Variants in BICDL1 observed in about 807,000 individuals in gnomAD.
BICDL1 encodes the protein BICD family like cargo adaptor 1.
Under a neutral mutation model 76.8 loss-of-function variants are expected in BICDL1, and 20 were observed. The observed-to-expected ratio is 0.26, with a 90% CI of 0.18 to 0.38. BICDL1 has a LOEUF of 0.38. BICDL1 is among the 10% of genes least tolerant of loss of function. The probability of loss-of-function intolerance (pLI) is 1.00; values close to 1 mark genes in which losing one functional copy is unlikely to be tolerated. For synonymous variants in BICDL1, 383 were observed against 337.1 expected, an observed-to-expected ratio of 1.14 and a Z score of -1.49; for missense variants, 700 against 798.6, an observed-to-expected ratio of 0.88 and a Z score of 1.49.
intron 1 of BICDL1, among the ~76,000 whole-genome samples, chr12:119,996,651 T>C (rs1384971646): frequency 1.3e-5 from 2 of 150,726 alleles, no homozygotes; most frequent in Non-Finnish European, 2.9e-5. Flanking sequence ...CAGAATTTCC[T>C]GTAGAACCCA....
chr12:120,050,789 T>G (rs374063714), intron 2 of BICDL1, among the ~76,000 whole-genome samples: 18 of 151,004 alleles, frequency 1.2e-4, no homozygotes, highest in African/African-American at 4.4e-4. Context: ...TTAACAGTTG[T>G]GTGCCACGCA....
At chr12:120,003,762 C>T (rs1217912588) in intron 2 of BICDL1, among the ~76,000 whole-genome samples, 3 of 152,218 alleles carry the variant, frequency 2.0e-5, no homozygotes, top group African/African-American at 7.2e-5. Flanking sequence ...CACTGTGCTT[C>T]TCCATGGTCT....
chr12:120,060,393 G>A (rs1304312575), intron 2 of BICDL1, among the ~76,000 whole-genome samples: 2 of 152,160 alleles, frequency 1.3e-5, no homozygotes, highest in Non-Finnish European at 2.9e-5. Context: ...CTGATTCCTT[G>A]CATCATAAAG....
rs114582849 is a variant in BICDL1 at position 120,046,573 on chromosome 12, T to C, written c.646-15137T>C. On this transcript the variant is annotated intron_variant, in intron 2 of 9. Coordinates refer to ENST00000548673, the MANE Select transcript of BICDL1 (RefSeq NM_001367886.1). ...GACACAGAGAATTAAGCAGTTTGCC[T>C]GTGGTCACACAGTACAGTAACTGAT... 8.1e-3 allele frequency among the ~76,000 whole-genome samples: 1,230 copies of C among 152,358 alleles called. 17 individuals are homozygous for C. Among genetic ancestry groups the C allele is most frequent in the African/African-American group, 0.027 (1,125 of 41,576 alleles).
chr12:120,015,609 C>T (rs766658527), intron 2 of BICDL1, among the ~76,000 whole-genome samples: 1 of 152,188 alleles, frequency 6.6e-6, no homozygotes, highest in Non-Finnish European at 1.5e-5. Context: ...AGGGCACCTC[C>T]CCCACAGGGC....
chr12:120,065,023 C>A, intron 4 of BICDL1, 144 bp downstream of exon 4: 1 of 840,724 alleles, frequency 1.2e-6, no homozygotes, highest in Non-Finnish European at 1.8e-6. Flanking sequence ...GGGCCTGGGG[C>A]ATTCACTAAC....
chr12:120,006,031 T>C (rs1306116162), intron 2 of BICDL1, among the ~76,000 whole-genome samples: 1 of 152,218 alleles, frequency 6.6e-6, no homozygotes, highest in Non-Finnish European at 1.5e-5. Flanking sequence ...TCTCCTCATA[T>C]CTACCTTCAT....
At chr12:120,049,678 C>A (rs976313578) in intron 2 of BICDL1, among the ~76,000 whole-genome samples, 1 of 152,206 alleles carries the variant, frequency 6.6e-6, no homozygotes, top group Non-Finnish European at 1.5e-5. Flanking sequence ...AGTATTGCCT[C>A]GGTCCCATTC....
chr12:120,008,150 CTTTTTTTT>C (rs71072590), intron 2 of BICDL1, among the ~76,000 whole-genome samples: 673 of 61,746 alleles, frequency 0.011, 3 homozygotes, highest in South Asian at 0.064. Flanking sequence ...ATTACTCTTT[CTTTTTTTT>C]TTTTTTTTTT....
At chr12:120,084,884 C>CT (rs1468348769) in intron 8 of BICDL1, among the ~76,000 whole-genome samples, 4 of 149,452 alleles carry the variant, frequency 2.7e-5, no homozygotes, top group African/African-American at 9.9e-5. Context: ...AACGGGGACT[C>CT]TGTCTCAAAA....
At chr12:120,004,112 GC>G (rs1475431184) in intron 2 of BICDL1, among the ~76,000 whole-genome samples, 4 of 152,190 alleles carry the variant, frequency 2.6e-5, no homozygotes, top group Non-Finnish European at 5.9e-5. Flanking sequence ...TCACTGTGCA[GC>G]CCTGATGGCT....
intron 2 of BICDL1, among the ~76,000 whole-genome samples, chr12:120,061,371 A>G (rs1282463340): frequency 6.6e-6 from 1 of 152,174 alleles, no homozygotes; most frequent in Non-Finnish European, 1.5e-5. Context: ...CTTTTATGTA[A>G]AATATTCAGA....
intron 8 of BICDL1, among the ~76,000 whole-genome samples, chr12:120,083,733 C>G (rs1321873616): frequency 6.6e-6 from 1 of 151,918 alleles, no homozygotes; most frequent in Non-Finnish European, 1.5e-5. Flanking sequence ...GACCTCGTCT[C>G]ACTGCAACCC....
At chr12:120,069,815 C>A (rs1378720316) in intron 4 of BICDL1, among the ~76,000 whole-genome samples, 8 of 152,176 alleles carry the variant, frequency 5.3e-5, no homozygotes. Flanking sequence ...ACGATCAGCA[C>A]CCTAAAAAGA....
intron 2 of BICDL1, among the ~76,000 whole-genome samples, chr12:120,026,127 C>T (rs535107660): frequency 2.0e-5 from 3 of 152,238 alleles, no homozygotes; most frequent in Non-Finnish European, 4.4e-5. Context: ...CATGAACCAC[C>T]GTGCCCGACG....
intron 2 of BICDL1, among the ~76,000 whole-genome samples, chr12:120,047,487 G>A (rs1290654153): frequency 1.3e-5 from 2 of 152,138 alleles, no homozygotes; most frequent in Non-Finnish European, 2.9e-5. Flanking sequence ...TTAGGGTTTT[G>A]AACCAGATTA....
At chr12:120,065,019 G>A in intron 4 of BICDL1, 140 bp downstream of exon 4, 2 of 908,396 alleles carry the variant, frequency 2.2e-6, no homozygotes, top group Non-Finnish European at 1.6e-6. Flanking sequence ...TGTGGGGCCT[G>A]GGGCATTCAC....
chr12:120,039,589 G>A (rs898297709), intron 2 of BICDL1, among the ~76,000 whole-genome samples: 12 of 125,398 alleles, frequency 9.6e-5, no homozygotes, highest in Non-Finnish European at 3.1e-5. Flanking sequence ...AGTGAGCCAA[G>A]ATTGCGCCAC....
chr12:120,044,088 G>GTA (rs1337150432), intron 2 of BICDL1, among the ~76,000 whole-genome samples: 2 of 152,140 alleles, frequency 1.3e-5, no homozygotes, highest in African/African-American at 2.4e-5. Flanking sequence ...CCAAAAGAGG[G>GTA]TATATCATGA....
Sources: allele counts gnomAD v4.1 joint callset (sites outside exome capture counted in the v4.1 genomes callset), GRCh38; gene constraint gnomAD v4.1.1; transcripts MANE v1.5; gene names NCBI Gene and HGNC (gene_info 2026-07-23, HGNC 2026-07-21).